The following IL1RAPL1 variants were observed in gnomAD, a reference collection of about 807,000 sequenced individuals.
The protein encoded by IL1RAPL1 is interleukin-1 receptor accessory protein-like 1.
Under a neutral mutation model 48.4 loss-of-function variants are expected in IL1RAPL1, and 3 were observed. That is an observed-to-expected ratio of 0.06 (90% CI 0.03 to 0.16). The LOEUF is 0.16. Ranked by LOEUF, IL1RAPL1 falls within the 10% of genes least tolerant of loss-of-function variation. The pLI is 1.00. For missense variants in IL1RAPL1, 349 were observed against 530.6 expected (o/e 0.66, Z 3.36); for synonymous variants, 185 against 187.7 (o/e 0.99, Z 0.12).
At chrX:28,880,318 C>T (rs746599996) in intron 2 of IL1RAPL1, among the ~76,000 whole-genome samples, 5 of 112,079 alleles carry the variant, frequency 4.5e-5, no homozygotes, top group Admixed American at 1.9e-4. Flanking sequence ...AATCCAACCT[C>T]CCACACAGTG....
At chrX:29,292,086 A>G (rs768164402) in intron 3 of IL1RAPL1, among the ~76,000 whole-genome samples, 2 of 111,921 alleles carry the variant, frequency 1.8e-5, no homozygotes, top group Non-Finnish European at 3.8e-5. Context: ...CTCAGAATCA[A>G]TATGAGGTGT....
Position 29,612,052 on chromosome X carries a change from A to G in IL1RAPL1, c.704-56378A>G, listed in dbSNP as rs146303307. On this transcript the variant is annotated intron_variant, in intron 5 of 10. Transcript: ENST00000378993. ...ACAGGATAGGGGGGCATAGTAGGAC[A>G]AAAGGTAACATTTGGATGCAAAAAC... Among the ~76,000 whole-genome samples the G allele has an allele frequency of 3.7e-3, 409 of 111,263 alleles. 2 individuals carry two copies. Among genetic ancestry groups the G allele is most frequent in the Non-Finnish European group, 6.2e-3 (328 of 53,001 alleles).
intron 5 of IL1RAPL1, among the ~76,000 whole-genome samples, chrX:29,636,894 CG>C (rs1460693293): frequency 9.1e-6 from 1 of 109,754 alleles, no homozygotes; most frequent in Non-Finnish European, 1.9e-5. Context: ...CAAAATTAGC[CG>C]GTGGTACAAA....
At position 29,802,070 on chromosome X, in the gene IL1RAPL1, T is replaced by C. The variant is rs146103247; in HGVS notation, c.779-115394T>C. ...CTTTAAGAATAGCATCCAAAAGGTCTACGTGTTCATGTGTATGTCTGTGTT... is the reference window on the plus strand; with the variant it reads ...CTTTAAGAATAGCATCCAAAAGGTCCACGTGTTCATGTGTATGTCTGTGTT... On this transcript the variant is annotated intron_variant, in intron 6 of 10. Coordinates refer to ENST00000378993, the MANE Select transcript of IL1RAPL1 (RefSeq NM_014271.4). Among the ~76,000 whole-genome samples the C allele has an allele frequency of 2.1e-3, 241 of 112,360 alleles. 1 individual carries two copies. Among genetic ancestry groups the C allele is most frequent in the Non-Finnish European group, 3.8e-3 (205 of 53,323 alleles).
chrX:29,166,481 C>T (rs1000409702), intron 2 of IL1RAPL1, among the ~76,000 whole-genome samples: 4 of 111,769 alleles, frequency 3.6e-5, no homozygotes, highest in Admixed American at 9.6e-5. Context: ...ATTTCCAACA[C>T]CATCAGCCTA....
chrX:29,629,277 T>A (rs1924700801), intron 5 of IL1RAPL1, among the ~76,000 whole-genome samples: 1 of 111,383 alleles, frequency 9.0e-6, no homozygotes, highest in Admixed American at 9.6e-5. Flanking sequence ...GAGAAAAAAA[T>A]CTACAGTATC....
At chrX:29,381,831 AAAAT>A (rs1475981761) in intron 3 of IL1RAPL1, among the ~76,000 whole-genome samples, 107 of 25,649 alleles carry the variant, frequency 4.2e-3, no homozygotes, top group Non-Finnish European at 6.5e-3. Flanking sequence ...AAAAAAAAAA[AAAAT>A]ATATATATAT....
intron 6 of IL1RAPL1, among the ~76,000 whole-genome samples, chrX:29,738,646 C>A (rs1165449793): frequency 9.1e-6 from 1 of 109,676 alleles, no homozygotes; most frequent in Non-Finnish European, 1.9e-5. Flanking sequence ...CACTGTGTTG[C>A]CCAGGCTGGT....
chrX:29,042,001 A>G (rs1186142745), intron 2 of IL1RAPL1, among the ~76,000 whole-genome samples: 1 of 111,793 alleles, frequency 8.9e-6, no homozygotes, highest in Admixed American at 9.5e-5. Flanking sequence ...TCTTCCTGGG[A>G]CAGTATCAGA....
At chrX:28,741,303 C>A (rs189292262) in intron 1 of IL1RAPL1, among the ~76,000 whole-genome samples, 1 of 111,738 alleles carries the variant, frequency 8.9e-6, no homozygotes, top group East Asian at 2.8e-4. Flanking sequence ...TGATGTTGAG[C>A]ATTTTTTCAT....
intron 6 of IL1RAPL1, among the ~76,000 whole-genome samples, chrX:29,776,912 TCAACA>T (rs2147154486): frequency 8.9e-6 from 1 of 112,052 alleles, no homozygotes; most frequent in African/African-American, 3.2e-5. Flanking sequence ...ATTCACCAAT[TCAACA>T]AATATCAGTT....
chrX:29,104,491 GGGGAGT>G (rs763135483), intron 2 of IL1RAPL1, among the ~76,000 whole-genome samples: 31 of 110,590 alleles, frequency 2.8e-4, no homozygotes, highest in African/African-American at 9.2e-4. Context: ...AAATTGGGAG[GGGGAGT>G]GGGAGTGGTT....
chrX:29,746,265 G>T (rs189072292), intron 6 of IL1RAPL1, among the ~76,000 whole-genome samples: 1 of 111,692 alleles, frequency 9.0e-6, no homozygotes, highest in East Asian at 2.8e-4. Context: ...AGAATTTTTG[G>T]CTAAGTGCAG....
chrX:28,999,892 T>A (rs1925809661), intron 2 of IL1RAPL1, among the ~76,000 whole-genome samples: 1 of 111,926 alleles, frequency 8.9e-6, no homozygotes, highest in Non-Finnish European at 1.9e-5. Flanking sequence ...AAGGCCTGTT[T>A]TCAACCTCAA....
rs73630078 is a variant in IL1RAPL1, at chrX:28,738,085, A to G, written c.-24-51235A>G. ...AAGCAGAAGTACACAGGTACAGTGA[A>G]TAGCAATTTGCAGCCAGAAAATCAC... is the stretch of plus-strand genomic sequence containing the variant. On this transcript the variant is annotated intron_variant, in intron 1 of 10. Transcript: ENST00000378993. Among the ~76,000 whole-genome samples the G allele has an allele frequency of 7.1e-3, 800 of 112,307 alleles. 10 individuals are homozygous for G. The highest frequency in any genetic ancestry group is 0.025 in the African/African-American group (759 of 30,924).
In IL1RAPL1 at chrX:28,744,155, A is replaced by T. The variant is rs752168103; in HGVS notation, c.-24-45165A>T. 2.7e-5 allele frequency among the ~76,000 whole-genome samples: 3 copies of T among 111,056 alleles called. No individual in the cohort carries two copies. The South Asian group carries it at 1.1e-3, about 42-fold the overall frequency. Reference sequence around the variant, plus strand: ...GATTTCCTTTCAAAATGTATATCTTATACGCATATCTATGCTATACGTTCC... The same window carrying T: ...GATTTCCTTTCAAAATGTATATCTTTTACGCATATCTATGCTATACGTTCC... On this transcript the variant is annotated intron_variant, in intron 1 of 10. Coordinates refer to ENST00000378993, the MANE Select transcript of IL1RAPL1 (RefSeq NM_014271.4).
intron 2 of IL1RAPL1, among the ~76,000 whole-genome samples, chrX:29,011,424 A>G (rs1926119870): frequency 8.9e-6 from 1 of 112,543 alleles, no homozygotes; most frequent in Non-Finnish European, 1.9e-5. Flanking sequence ...TAACTATAGA[A>G]TGGAATATAA....
chrX:29,419,448 G>A (rs1934264034), intron 5 of IL1RAPL1, among the ~76,000 whole-genome samples: 3 of 109,490 alleles, frequency 2.7e-5, no homozygotes, highest in Admixed American at 9.8e-5. Flanking sequence ...AGCCTCCCAA[G>A]TAGCTGGGAT....
intron 2 of IL1RAPL1, among the ~76,000 whole-genome samples, chrX:28,939,760 A>G (rs906050613): frequency 1.8e-5 from 2 of 111,541 alleles, no homozygotes; most frequent in African/African-American, 3.2e-5. Context: ...ATATTTTACA[A>G]TTGATTGGGA....
Sources: gnomAD v4.1 joint callset for allele counts (sites outside exome capture counted in the v4.1 genomes callset) on GRCh38, gnomAD v4.1.1 for gene constraint, MANE v1.5 for transcripts, NCBI Gene and HGNC (gene_info 2026-07-23, HGNC 2026-07-21) for gene names.